CAGE1: variants seen among roughly 807,000 people sequenced by gnomAD.
CAGE1 encodes the protein cancer antigen 1.
Under a neutral mutation model 94.9 loss-of-function variants are expected in CAGE1, and 66 were observed. The observed-to-expected ratio is 0.70, with a 90% CI of 0.57 to 0.85. The LOEUF is 0.85. CAGE1 is among the 40% of genes least tolerant of loss of function. CAGE1 has a pLI of 0.00. For synonymous variants in CAGE1, 319 were observed against 321.0 expected (o/e 0.99, Z 0.07); for missense variants, 865 against 950.4 (o/e 0.91, Z 1.18).
chr6:7,339,786 A>C lies in CAGE1; in HGVS notation c.2370-5696T>G, dbSNP rs1314224110. On this transcript the variant is annotated intron_variant, in intron 11 of 13. Coordinates refer to ENST00000502583, the MANE Select transcript of CAGE1 (RefSeq NM_001170692.2). This position sits in a 1 kb window ranked among gnomAD's most constrained non-coding sequence, Gnocchi z 4.7. ...GGCTGAATAGCATTCCGTGGTGTATATATATACCACAATTTCTTTATCCAT... is the reference window on the plus strand; with the variant it reads ...GGCTGAATAGCATTCCGTGGTGTATCTATATACCACAATTTCTTTATCCAT... Among the ~76,000 whole-genome samples the C allele has an allele frequency of 6.6e-6, 1 of 152,140 alleles. No individual in the cohort carries two copies. Among genetic ancestry groups the C allele is most frequent in the Non-Finnish European group, 1.5e-5 (1 of 67,984 alleles).
chr6:7,327,375 G>A (rs1312353191), intron 13 of CAGE1, among the ~76,000 whole-genome samples: 1 of 151,878 alleles, frequency 6.6e-6, no homozygotes, highest in African/African-American at 2.4e-5. Flanking sequence ...GGCTGGTCTC[G>A]AACTCCTGAC....
chr6:7,382,982 C>A (rs1760992216), intron 3 of CAGE1, among the ~76,000 whole-genome samples: 2 of 152,130 alleles, frequency 1.3e-5, no homozygotes, highest in Admixed American at 6.5e-5. Flanking sequence ...TGTGTTCCCA[C>A]CCAAATCTCA....
chr6:7,334,684 T>C (rs1758887423), intron 11 of CAGE1, among the ~76,000 whole-genome samples: 1 of 128,232 alleles, frequency 7.8e-6, no homozygotes, highest in Non-Finnish European at 1.5e-5. Context: ...GCCAAGACCG[T>C]GCCACTGCAC....
intron 11 of CAGE1, chr6:7,341,488 C>A: frequency 3.4e-6 from 4 of 1,177,652 alleles, no homozygotes; most frequent in Non-Finnish European, 5.1e-6. Context: ...GGTATTCCAT[C>A]GCGAGTCTGA....
intron 11 of CAGE1, among the ~76,000 whole-genome samples, chr6:7,345,215 G>GT (rs1338903650): frequency 6.8e-6 from 1 of 147,702 alleles, no homozygotes; most frequent in Non-Finnish European, 1.5e-5. Context: ...TTTGAAGTTA[G>GT]TATAAGCTAC....
At chr6:7,345,279 C>T (rs562439160) in intron 11 of CAGE1, among the ~76,000 whole-genome samples, 21 of 152,328 alleles carry the variant, frequency 1.4e-4, no homozygotes, top group Non-Finnish European at 1.8e-4. Flanking sequence ...AGAGTTGCAG[C>T]ACTGACTGTT....
chr6:7,374,715 T>C (rs890225125), intron 4 of CAGE1, among the ~76,000 whole-genome samples: 1 of 152,156 alleles, frequency 6.6e-6, no homozygotes, highest in Non-Finnish European at 1.5e-5. Flanking sequence ...ATGCTGCCGA[T>C]AGAGGTCTCG....
At chr6:7,331,715 T>G in intron 12 of CAGE1, 1 of 172,878 alleles carries the variant, frequency 5.8e-6, no homozygotes, top group Non-Finnish European at 1.2e-5. Flanking sequence ...AGGACTTGGG[T>G]GACAGGAGAC....
intron 5 of CAGE1, among the ~76,000 whole-genome samples, chr6:7,371,959 T>C (rs1760551937): frequency 6.6e-6 from 1 of 151,556 alleles, no homozygotes; most frequent in Admixed American, 6.6e-5. Flanking sequence ...ACTTCCAGAA[T>C]GTGTTTCCAG....
intron 2 of CAGE1, among the ~76,000 whole-genome samples, chr6:7,386,745 C>T (rs1298272250): frequency 6.6e-6 from 1 of 152,172 alleles, no homozygotes; most frequent in Admixed American, 6.5e-5. Flanking sequence ...CGCTTCCATG[C>T]CTGGCTAATT....
Position 7,339,579 on chromosome 6 carries a change from T to C in CAGE1, c.2370-5489A>G, listed in dbSNP as rs528154404. 2.7e-6 allele frequency: 2 copies of C among 750,996 alleles called. No homozygotes were observed. Among genetic ancestry groups the C allele is most frequent in the Non-Finnish European group, 4.9e-6 (2 of 406,298 alleles). The allele number at this position is 750,996 out of a possible 1,614,324, so 46.5% of individuals were successfully genotyped here. On this transcript the variant is annotated intron_variant, in intron 11 of 13. Transcript: ENST00000502583. This position sits in a 1 kb window ranked among gnomAD's most constrained non-coding sequence, Gnocchi z 4.7. ...AATTTGTAAGGCGATCTTGCCGCCA[T>C]GCTCCGCTGAAAGGAAAGGCACTGT...
chr6:7,353,606 A>G (rs1759854790), intron 11 of CAGE1, among the ~76,000 whole-genome samples: 1 of 152,114 alleles, frequency 6.6e-6, no homozygotes, highest in Non-Finnish European at 1.5e-5. Context: ...ACATGTTTGT[A>G]GCATCACAAC....
intron 12 of CAGE1, among the ~76,000 whole-genome samples, chr6:7,332,752 C>A (rs1758799764): frequency 6.6e-6 from 1 of 152,136 alleles, no homozygotes; most frequent in African/African-American, 2.4e-5. Flanking sequence ...TCCAATCTTC[C>A]CTACTCTCCA....
At chr6:7,349,960 GAAAGAAGA>G (rs1581673333) in intron 11 of CAGE1, among the ~76,000 whole-genome samples, 1 of 124,088 alleles carries the variant, frequency 8.1e-6, no homozygotes, top group African/African-American at 3.1e-5. Flanking sequence ...AAGAAAGAAA[GAAAGAAGA>G]AAAAAAAAGA....
At chr6:7,335,798 A>T (rs1758934479) in intron 11 of CAGE1, among the ~76,000 whole-genome samples, 2 of 152,270 alleles carry the variant, frequency 1.3e-5, no homozygotes, top group South Asian at 4.1e-4. Flanking sequence ...GCTGGTCTTG[A>T]ACTCCTGGCC....
rs1189273237 is a variant in CAGE1, at chr6:7,328,930, A to AT, written c.2478+918dup. ...TGTGTGTGTGTGTGTATATATATAT[A>AT]TATATTTTTTTTTTTTTTTGAGATA... On this transcript the variant is annotated intron_variant, in intron 13 of 13. Transcript: ENST00000502583. 3.4e-3 allele frequency among the ~76,000 whole-genome samples: 289 copies of AT among 85,598 alleles called. 10 individuals carry two copies. Among genetic ancestry groups the AT allele is most frequent in the East Asian group, 0.022 (57 of 2,640 alleles). The allele number at this position is 85,598 out of a possible 152,430, so 56.2% of individuals were successfully genotyped here.
chr6:7,363,703 C>A (rs1245191650), intron 9 of CAGE1, among the ~76,000 whole-genome samples: 2 of 152,174 alleles, frequency 1.3e-5, no homozygotes, highest in Non-Finnish European at 2.9e-5. Flanking sequence ...GCTTCCTCTG[C>A]ACCATGTCAA....
chr6:7,364,230 C>G (rs897959043), intron 9 of CAGE1, among the ~76,000 whole-genome samples: 31 of 152,200 alleles, frequency 2.0e-4, no homozygotes, highest in African/African-American at 7.0e-4. Flanking sequence ...CCTTCATAAC[C>G]TGCACTTAGA....
At chr6:7,338,519 T>C (rs1759048044) in intron 11 of CAGE1, among the ~76,000 whole-genome samples, 1 of 152,188 alleles carries the variant, frequency 6.6e-6, no homozygotes, top group African/African-American at 2.4e-5. Flanking sequence ...TCTTTTTTAG[T>C]TTTTTAAATA....
Sources: gnomAD v4.1 joint callset for allele counts (sites outside exome capture counted in the v4.1 genomes callset) on GRCh38, gnomAD v4.1.1 for gene constraint, Gnocchi (gnomAD v3.1) non-coding constraint, MANE v1.5 for transcripts, NCBI Gene and HGNC (gene_info 2026-07-23, HGNC 2026-07-21) for gene names.